GRIK2: variants seen among roughly 807,000 people sequenced by gnomAD.
GRIK2 encodes the protein glutamate receptor ionotropic, kainate 2.
GRIK2 carries 32 observed loss-of-function variants against 100.3 expected under a neutral mutation model. The ratio of observed to expected loss-of-function variants is 0.32; its 90% CI spans 0.24 to 0.43. The LOEUF (loss-of-function observed/expected upper bound fraction) is 0.43. Ranked by LOEUF, GRIK2 falls within the 20% of genes least tolerant of loss-of-function variation. GRIK2 has a pLI of 1.00. For synonymous variants in GRIK2, 417 were observed against 389.4 expected (o/e 1.07, Z -0.83); for missense variants, 843 against 1,114.9 (o/e 0.76, Z 3.47).
intron 7 of GRIK2, among the ~76,000 whole-genome samples, chr6:101,732,321 T>A (rs1775330591): frequency 6.6e-6 from 1 of 152,006 alleles, no homozygotes; most frequent in African/African-American, 2.4e-5. Context: ...GTAGAGGAAA[T>A]GATATTTTTA....
chr6:101,848,588 C>T (rs772719508), intron 10 of GRIK2, among the ~76,000 whole-genome samples: 1 of 152,056 alleles, frequency 6.6e-6, no homozygotes, highest in African/African-American at 2.4e-5. Flanking sequence ...TATCTACATG[C>T]ATCTTGTTAA....
At chr6:101,906,286 A>C (rs1788214284) in intron 12 of GRIK2, among the ~76,000 whole-genome samples, 1 of 151,410 alleles carries the variant, frequency 6.6e-6, no homozygotes, top group Non-Finnish European at 1.5e-5. Flanking sequence ...TTTTTGACCC[A>C]GGGAATTTGA....
intron 2 of GRIK2, among the ~76,000 whole-genome samples, chr6:101,440,370 G>A (rs1769978469): frequency 6.6e-6 from 1 of 152,176 alleles, no homozygotes; most frequent in Admixed American, 6.6e-5. Flanking sequence ...TTAGCTCAGT[G>A]CATTAAGTTA....
intron 7 of GRIK2, among the ~76,000 whole-genome samples, chr6:101,705,659 A>G (rs1773223320): frequency 6.6e-6 from 1 of 151,844 alleles, no homozygotes; most frequent in South Asian, 2.1e-4. Flanking sequence ...AAATAAATTA[A>G]AATAGTGACG....
intron 2 of GRIK2, among the ~76,000 whole-genome samples, chr6:101,525,055 C>T (rs1775082801): frequency 6.6e-6 from 1 of 152,024 alleles, no homozygotes; most frequent in Admixed American, 6.6e-5. Flanking sequence ...TTCTTGAAAG[C>T]AGTATGAAAC....
At chr6:101,407,423 C>T (rs539382580) in intron 2 of GRIK2, among the ~76,000 whole-genome samples, 2 of 152,168 alleles carry the variant, frequency 1.3e-5, no homozygotes, top group Admixed American at 1.3e-4. Context: ...ATTACCCTGG[C>T]TGCCAAAATT....
Position 101,762,168 on chromosome 6 carries a change from G to GTCTCTC in GRIK2, c.952-37468_952-37463dup, listed in dbSNP as rs372643035. Among the ~76,000 whole-genome samples, 423 of 121,866 alleles carry GTCTCTC rather than the reference G, an allele frequency of 3.5e-3. 15 individuals carry two copies. Among genetic ancestry groups the GTCTCTC allele is most frequent in the African/African-American group, 0.012 (360 of 29,632 alleles). 79.9% of individuals were successfully genotyped at this position (121,866 alleles called of 152,430 possible). On this transcript the variant is annotated intron_variant, in intron 7 of 16. Transcript: ENST00000369134. The stretch of plus-strand genomic sequence containing the variant: ...TTCCTCTTCCTCTGTCTCTGTCTCT[G>GTCTCTC]TCTCTCTCTCTCTCTCTTCTTTCTC...
chr6:101,463,978 C>T (rs1582507559), intron 2 of GRIK2, among the ~76,000 whole-genome samples: 2 of 152,216 alleles, frequency 1.3e-5, no homozygotes, highest in Middle Eastern at 6.8e-3. Context: ...TGCAAGAATT[C>T]CCTGGTCCTT....
At chr6:102,022,986 T>G (rs1274291164) in intron 14 of GRIK2, among the ~76,000 whole-genome samples, 2 of 151,614 alleles carry the variant, frequency 1.3e-5, no homozygotes, top group Non-Finnish European at 3.0e-5. Context: ...GTGAACAGAT[T>G]GAAAAGGACA....
chr6:101,484,212 T>C (rs924403094), intron 2 of GRIK2, among the ~76,000 whole-genome samples: 2 of 152,182 alleles, frequency 1.3e-5, no homozygotes, highest in South Asian at 2.1e-4. Context: ...ATAGCACATA[T>C]GAATAATTCA....
At chr6:101,942,779 A>C (rs1349825126) in intron 14 of GRIK2, among the ~76,000 whole-genome samples, 2 of 152,182 alleles carry the variant, frequency 1.3e-5, no homozygotes, top group Non-Finnish European at 2.9e-5. Flanking sequence ...GATGGTCTGA[A>C]ATTAGAACTT....
chr6:101,416,977 G>C (rs945551337), intron 2 of GRIK2, among the ~76,000 whole-genome samples: 1 of 152,146 alleles, frequency 6.6e-6, no homozygotes, highest in Admixed American at 6.5e-5. Context: ...AGGTGACTGT[G>C]CTAGTCTGTT....
intron 2 of GRIK2, among the ~76,000 whole-genome samples, chr6:101,581,549 A>G (rs148475458): frequency 2.1e-3 from 326 of 152,200 alleles, no homozygotes; most frequent in Middle Eastern, 6.8e-3. Flanking sequence ...ATTACCCACC[A>G]CAGGGCACTC....
At chr6:101,654,497 G>A (rs1481180420) in intron 4 of GRIK2, among the ~76,000 whole-genome samples, 4 of 152,112 alleles carry the variant, frequency 2.6e-5, no homozygotes, top group African/African-American at 9.7e-5. Context: ...CTAGGAGACT[G>A]AGGTTGCACA....
intron 9 of GRIK2, among the ~76,000 whole-genome samples, chr6:101,812,843 A>G (rs1262963128): frequency 6.6e-6 from 1 of 152,140 alleles, no homozygotes; most frequent in Non-Finnish European, 1.5e-5. Flanking sequence ...AAAGGGAAAG[A>G]GTACACCTTC....
At chr6:101,650,112 G>A (rs1781717627) in intron 4 of GRIK2, among the ~76,000 whole-genome samples, 1 of 152,084 alleles carries the variant, frequency 6.6e-6, no homozygotes, top group Admixed American at 6.6e-5. Flanking sequence ...CTCTTTATTA[G>A]AATGAACTTA....
intron 7 of GRIK2, among the ~76,000 whole-genome samples, chr6:101,767,422 G>C (rs1778106490): frequency 6.6e-6 from 1 of 152,074 alleles, no homozygotes; most frequent in African/African-American, 2.4e-5. Flanking sequence ...TATTTATGGA[G>C]ATAGATGGAT....
At chr6:101,511,630 G>A (rs954565235) in intron 2 of GRIK2, among the ~76,000 whole-genome samples, 4 of 151,910 alleles carry the variant, frequency 2.6e-5, no homozygotes, top group East Asian at 1.9e-4. Context: ...AGGAAATAAC[G>A]AAACTCAAAT....
intron 2 of GRIK2, among the ~76,000 whole-genome samples, chr6:101,484,842 A>G (rs1772732073): frequency 6.6e-6 from 1 of 152,230 alleles, no homozygotes; most frequent in Non-Finnish European, 1.5e-5. Context: ...GTATGAAATT[A>G]TAGGTACAGA....
Sources: allele counts gnomAD v4.1 joint callset (sites outside exome capture counted in the v4.1 genomes callset), GRCh38; gene constraint gnomAD v4.1.1; transcripts MANE v1.5; gene names NCBI Gene and HGNC (gene_info 2026-07-23, HGNC 2026-07-21).